NEBL: variants seen among roughly 807,000 people sequenced by gnomAD.
The protein encoded by NEBL is LIM and SH3 protein 2.
In NEBL, 122 loss-of-function variants were observed where a neutral mutation model predicts 140.2. That is an observed-to-expected ratio of 0.87 (90% confidence interval 0.75 to 1.01). The LOEUF is 1.01. NEBL is among the 50% of genes least tolerant of loss of function. The pLI is 0.00. For synonymous variants in NEBL, 436 were observed against 398.9 expected, an observed-to-expected ratio of 1.09 and a Z score of -1.11; for missense variants, 1,365 against 1,231.3, an observed-to-expected ratio of 1.11 and a Z score of -1.62.
rs1417972069 is a variant in NEBL, at chr10:20,850,441, G to A, written c.1070C>T (p.Thr357Ile). Residue 357 changes from threonine (T) to isoleucine (I), a missense_variant, in exon 11 of 28, where the codon ACA becomes ATA. Physicochemically the swap from Thr to Ile is moderately conservative, Grantham distance 89. Coordinates refer to ENST00000377122, the MANE Select transcript of NEBL (RefSeq NM_006393.3). ...CTCCTTTGAAGCTTGATATGATGGT[G>A]TCTCAACAAATTCAAGCATTGGCTT... is the stretch of plus-strand genomic sequence containing the variant. ...KGKPMLEFVE[T>I]PSYQASKEAQ... 3.7e-6 allele frequency: 6 copies of A among 1,612,280 alleles called. No individual in the cohort carries two copies. The highest frequency in any genetic ancestry group is 3.3e-5 in the South Asian group (3 of 91,046).
intron 2 of NEBL, chr10:21,029,817 C>T: frequency 1.4e-6 from 1 of 710,644 alleles, no homozygotes; most frequent in Non-Finnish European, 2.6e-6. Context: ...GGCTATCATT[C>T]CTGGATAGGC....
chr10:20,849,809 G>T (rs1842331597), intron 11 of NEBL, among the ~76,000 whole-genome samples: 1 of 152,052 alleles, frequency 6.6e-6, no homozygotes, highest in Non-Finnish European at 1.5e-5. Flanking sequence ...TTTTGACCAG[G>T]TGCTAAAACA....
At chr10:21,238,493 A>G (rs553825606) in intron 3 of NEBL, among the ~76,000 whole-genome samples, 36 of 151,896 alleles carry the variant, frequency 2.4e-4, no homozygotes, top group African/African-American at 8.2e-4. Context: ...TGAGGTCAGG[A>G]GTTCAAGACC....
At chr10:20,859,502 C>G (rs1037781193) in intron 8 of NEBL, among the ~76,000 whole-genome samples, 1 of 152,030 alleles carries the variant, frequency 6.6e-6, no homozygotes, top group Non-Finnish European at 1.5e-5. Context: ...ATTTGCAACA[C>G]TATTCCTACT....
chr10:20,865,649 C>T (rs910584937), intron 7 of NEBL, among the ~76,000 whole-genome samples: 8 of 152,158 alleles, frequency 5.3e-5, no homozygotes, highest in Non-Finnish European at 1.2e-4. Context: ...CCTGTCTCTT[C>T]AACTAGCATT....
chr10:21,208,059 G>C (rs1841857374), intron 3 of NEBL, among the ~76,000 whole-genome samples: 1 of 152,134 alleles, frequency 6.6e-6, no homozygotes, highest in Admixed American at 6.6e-5. Context: ...TGATCACAGG[G>C]TGCCAAGTGA....
In NEBL at chr10:20,955,986, C is replaced by G. The variant is rs561357335; in HGVS notation, c.357+5686G>C. Among the ~76,000 whole-genome samples, 37 of 151,378 alleles carry G rather than the reference C, an allele frequency of 2.4e-4. No homozygotes were observed. In the East Asian group the frequency reaches 6.4e-3, roughly 26 times the overall value. ...TCTCAAACCTCCCCTTTAGACAATG[C>G]CATTTTACAACCAAAACTCTTGTAC... On this transcript the variant is annotated intron_variant, in intron 4 of 6. Transcript: ENST00000417816.
At chr10:21,269,790 C>A (rs1842840108) in intron 1 of NEBL, among the ~76,000 whole-genome samples, 1 of 152,160 alleles carries the variant, frequency 6.6e-6, no homozygotes, top group Admixed American at 6.5e-5. Flanking sequence ...AAGAAGTTTA[C>A]CTCTAAGGTG....
intron 2 of NEBL, among the ~76,000 whole-genome samples, chr10:21,095,950 C>T (rs1467997131): frequency 6.6e-6 from 1 of 152,184 alleles, no homozygotes; most frequent in Non-Finnish European, 1.5e-5. Context: ...TGGTAGGTTG[C>T]AGCTTCCTAG....
chr10:21,140,912 A>T (rs1839598878), intron 2 of NEBL, among the ~76,000 whole-genome samples: 1 of 152,152 alleles, frequency 6.6e-6, no homozygotes, highest in Non-Finnish European at 1.5e-5. Flanking sequence ...TACCTAGGTA[A>T]CAAACCTGCA....
At chr10:21,256,433 C>A (rs1842660996) in intron 1 of NEBL, among the ~76,000 whole-genome samples, 2 of 152,212 alleles carry the variant, frequency 1.3e-5, no homozygotes, top group African/African-American at 4.8e-5. Context: ...TGTCCCACAG[C>A]TGCTGAATGT....
At chr10:21,234,045 AGAT>A (rs1249306019) in intron 3 of NEBL, among the ~76,000 whole-genome samples, 12 of 149,396 alleles carry the variant, frequency 8.0e-5, no homozygotes, top group African/African-American at 2.9e-4. Context: ...ATAGATAGAT[AGAT>A]ATCTCCAAGA....
At chr10:21,078,104 T>C (rs139730450) in intron 2 of NEBL, among the ~76,000 whole-genome samples, 118 of 152,228 alleles carry the variant, frequency 7.8e-4, no homozygotes, top group African/African-American at 2.8e-3. Context: ...AAATGCATTC[T>C]ATGGGGGATC....
chr10:21,119,576 T>C (rs974534751), intron 2 of NEBL, among the ~76,000 whole-genome samples: 4 of 151,390 alleles, frequency 2.6e-5, no homozygotes, highest in African/African-American at 9.7e-5. Flanking sequence ...AATATTACCA[T>C]ACATGTTTTA....
At chr10:21,037,056 T>C (rs942626483) in intron 2 of NEBL, among the ~76,000 whole-genome samples, 2 of 152,118 alleles carry the variant, frequency 1.3e-5, no homozygotes, top group African/African-American at 4.8e-5. Flanking sequence ...ACAGCACTTG[T>C]AGAAGCCCAC....
intron 4 of NEBL, among the ~76,000 whole-genome samples, chr10:20,954,208 A>G (rs999884002): frequency 6.6e-6 from 1 of 152,238 alleles, no homozygotes; most frequent in Non-Finnish European, 1.5e-5. Context: ...GGATATGTAG[A>G]CCTTGAAAGA....
At chr10:20,796,408 T>C (rs565817443) in intron 26 of NEBL, among the ~76,000 whole-genome samples, 1 of 143,452 alleles carries the variant, frequency 7.0e-6, no homozygotes, top group Admixed American at 6.9e-5. Context: ...CTCTAAAATA[T>C]TATCTTGGGG....
intron 2 of NEBL, chr10:21,020,269 T>A (rs1408113682): frequency 2.9e-6 from 4 of 1,392,580 alleles, no homozygotes; most frequent in Non-Finnish European, 4.1e-6. Flanking sequence ...TTCACACCCA[T>A]TGTTTTGCAC....
At chr10:21,143,378 C>T (rs984097701) in intron 2 of NEBL, among the ~76,000 whole-genome samples, 5 of 131,580 alleles carry the variant, frequency 3.8e-5, no homozygotes, top group African/African-American at 6.0e-5. Flanking sequence ...GAACCCGGGA[C>T]GTGGAGGTTG....
Sources: gnomAD v4.1 joint callset for allele counts (sites outside exome capture counted in the v4.1 genomes callset) on GRCh38, gnomAD v4.1.1 for gene constraint, MANE v1.5 for transcripts, NCBI Gene and HGNC (gene_info 2026-07-23, HGNC 2026-07-21) for gene names.